CHLSN: variants seen among roughly 807,000 people sequenced by gnomAD.
The protein encoded by CHLSN is protein cholesin.
the CHLSN span, among the ~76,000 whole-genome samples, chr7:1,036,851 T>G: frequency 6.7e-6 from 1 of 148,226 alleles, no homozygotes; most frequent in Non-Finnish European, 1.5e-5. Context: ...GGCTCATGCC[T>G]GTAGTCCCAT....
the CHLSN span, among the ~76,000 whole-genome samples, chr7:1,117,781 C>T: frequency 0.043 from 6,443 of 150,008 alleles, 543 homozygotes; most frequent in African/African-American, 0.15. Flanking sequence ...CCGACGCCCA[C>T]GCAGCATGAC....
chr7:1,013,845 G>C, the CHLSN span, among the ~76,000 whole-genome samples: 1 of 152,242 alleles, frequency 6.6e-6, no homozygotes, highest in African/African-American at 2.4e-5. Context: ...ACACTCATAT[G>C]AAGTACAGAA....
At chr7:1,016,259 G>C in the CHLSN span, among the ~76,000 whole-genome samples, 1 of 63,132 alleles carries the variant, frequency 1.6e-5, no homozygotes. Flanking sequence ...GCGCACGCCA[G>C]CACACAGCAG....
At chr7:1,123,908 C>T in the CHLSN span, among the ~76,000 whole-genome samples, 7 of 152,172 alleles carry the variant, frequency 4.6e-5, no homozygotes, top group East Asian at 1.2e-3. This position sits in a 1 kb window ranked among gnomAD's most constrained non-coding sequence, Gnocchi z 4.4. Context: ...CCCAGGCCCT[C>T]TTCCCGCTGC....
chr7:1,136,744 G>A, the CHLSN span, among the ~76,000 whole-genome samples: 1 of 150,954 alleles, frequency 6.6e-6, no homozygotes, highest in Admixed American at 6.7e-5. Flanking sequence ...TTAAGAATTC[G>A]TAATCAATAC....
chr7:997,002 C>G, the CHLSN span: 7 of 152,406 alleles, frequency 4.6e-5, no homozygotes, highest in African/African-American at 1.2e-4. Flanking sequence ...GCAGGACCCA[C>G]GGCTGCTGCT....
At chr7:1,100,107 GC>G in the CHLSN span, among the ~76,000 whole-genome samples, 1 of 152,240 alleles carries the variant, frequency 6.6e-6, no homozygotes, top group Non-Finnish European at 1.5e-5. Flanking sequence ...CATGAAGGTT[GC>G]CAGGTGGAGG....
At chr7:997,523 T>C in the CHLSN span, 3 of 1,068,364 alleles carry the variant, frequency 2.8e-6, no homozygotes, top group Non-Finnish European at 3.8e-6. Flanking sequence ...GCTCAGCCGC[T>C]GCCCTGCTGG....
the CHLSN span, chr7:1,075,937 TCAGGTAG>T: frequency 6.8e-6 from 1 of 147,494 alleles, no homozygotes; most frequent in Non-Finnish European, 1.5e-5. Context: ...CCTCCTGACC[TCAGGTAG>T]GAACAGCAGA....
the CHLSN span, chr7:1,057,366 G>C: frequency 3.4e-6 from 2 of 594,734 alleles, no homozygotes; most frequent in Non-Finnish European, 6.0e-6. Context: ...ATGCACCAAA[G>C]GCAGCCTCGC....
chr7:1,064,672 C>T, the CHLSN span, among the ~76,000 whole-genome samples: 6 of 152,198 alleles, frequency 3.9e-5, no homozygotes, highest in East Asian at 1.9e-4. Context: ...CCCAAACTAG[C>T]GTGGTGCAGG....
chr7:983,482 C>T, the CHLSN span: 6 of 1,233,302 alleles, frequency 4.9e-6, no homozygotes, highest in Non-Finnish European at 5.3e-6. Flanking sequence ...ACTGCCTGTT[C>T]CCACATGGTG....
the CHLSN span, chr7:987,292 AC>A: frequency 4.0e-6 from 6 of 1,509,868 alleles, no homozygotes; most frequent in Middle Eastern, 1.9e-4. Flanking sequence ...CCCCCGGGGG[AC>A]CCCCAGGGAC....
chr7:1,061,771 C>A, the CHLSN span, among the ~76,000 whole-genome samples: 4 of 151,410 alleles, frequency 2.6e-5, no homozygotes, highest in East Asian at 7.8e-4. Flanking sequence ...GCAGCCGTCT[C>A]CCCAACTCCC....
the CHLSN span, among the ~76,000 whole-genome samples, chr7:1,005,467 C>G: frequency 6.6e-6 from 1 of 152,270 alleles, no homozygotes; most frequent in Non-Finnish European, 1.5e-5. Flanking sequence ...ACCCAATGCC[C>G]ATGAAGGCCC....
chr7:1,055,572 G>A, the CHLSN span: 1 of 397,796 alleles, frequency 2.5e-6, no homozygotes, highest in African/African-American at 2.1e-5. Flanking sequence ...GGGACTCTGT[G>A]CAGCACAGGT....
At chr7:987,252 C>T in the CHLSN span, 1 of 1,513,488 alleles carries the variant, frequency 6.6e-7, no homozygotes, top group Non-Finnish European at 8.9e-7. Context: ...CAGGGTGAGA[C>T]CCCGGCGCCT....
At chr7:1,103,659 C>T in the CHLSN span, among the ~76,000 whole-genome samples, 1 of 152,238 alleles carries the variant, frequency 6.6e-6, no homozygotes, top group South Asian at 2.1e-4. Flanking sequence ...GAAATTCAGA[C>T]CACGCTTTCA....
the CHLSN span, chr7:1,092,597 G>C: frequency 6.2e-7 from 1 of 1,611,558 alleles, no homozygotes; most frequent in Non-Finnish European, 8.5e-7. Flanking sequence ...ACGCAGCCTG[G>C]GGCCGCTCCC....
Sources: gnomAD v4.1 joint callset for allele counts (sites outside exome capture counted in the v4.1 genomes callset) on GRCh38, gnomAD v4.1.1 for gene constraint, Gnocchi (gnomAD v3.1) non-coding constraint, MANE v1.5 for transcripts, NCBI Gene and HGNC (gene_info 2026-07-23, HGNC 2026-07-21) for gene names.